Variants in NAALADL2 observed in about 807,000 individuals in gnomAD.
NAALADL2 encodes the protein inactive N-acetylated-alpha-linked acidic dipeptidase-like protein 2.
In NAALADL2, 76 loss-of-function variants were observed where a neutral mutation model predicts 87.2. The ratio of observed to expected loss-of-function variants is 0.87; its 90% confidence interval spans 0.72 to 1.05. The LOEUF is 1.05. Among genes scored for constraint, NAALADL2 ranks in the 50% least tolerant of loss-of-function variants. NAALADL2 has a pLI of 0.00. For synonymous variants in NAALADL2, 354 were observed against 331.0 expected (o/e 1.07, Z -0.75); for missense variants, 1,089 against 945.8 (o/e 1.15, Z -1.99).
chr3:175,648,823 G>A (rs1730371124), intron 11 of NAALADL2, among the ~76,000 whole-genome samples: 1 of 152,130 alleles, frequency 6.6e-6, no homozygotes, highest in Non-Finnish European at 1.5e-5. Context: ...AGATAATAAG[G>A]TTGAGCTTTG....
At chr3:175,308,769 C>T (rs911236004) in intron 4 of NAALADL2, among the ~76,000 whole-genome samples, 38 of 152,316 alleles carry the variant, frequency 2.5e-4, no homozygotes, top group African/African-American at 8.7e-4. Context: ...TTATCAATTT[C>T]TACCAGACAG....
chr3:175,284,186 G>GTGT (rs1754686948), intron 4 of NAALADL2, among the ~76,000 whole-genome samples: 1 of 142,712 alleles, frequency 7.0e-6, no homozygotes, highest in Non-Finnish European at 1.5e-5. Context: ...TTTACACTGT[G>GTGT]TTTTTTTTTT....
At chr3:175,557,796 G>A (rs1659259078) in intron 9 of NAALADL2, among the ~76,000 whole-genome samples, 1 of 152,158 alleles carries the variant, frequency 6.6e-6, no homozygotes, top group South Asian at 2.1e-4. Context: ...TACCTAAGGT[G>A]ATATGATACC....
At chr3:175,314,144 G>A (rs1274567326) in intron 4 of NAALADL2, among the ~76,000 whole-genome samples, 1 of 149,858 alleles carries the variant, frequency 6.7e-6, no homozygotes, top group Non-Finnish European at 1.5e-5. Context: ...AATTTTCCTT[G>A]AATAATAAAA....
At chr3:175,616,675 C>A (rs1221733021) in intron 10 of NAALADL2, among the ~76,000 whole-genome samples, 1 of 152,102 alleles carries the variant, frequency 6.6e-6, no homozygotes. Flanking sequence ...ACCTGCTCAA[C>A]CCAGCAGGCT....
At chr3:175,607,911 A>ACGCACACACACG (rs1553931889) in intron 10 of NAALADL2, among the ~76,000 whole-genome samples, 3,455 of 28,374 alleles carry the variant, frequency 0.12, 50 homozygotes, top group Non-Finnish European at 0.21. Context: ...ACACACACAC[A>ACGCACACACACG]CGCACACACA....
rs1239857306 is a variant in NAALADL2 at position 175,768,531 on chromosome 3, AT to A, written c.2189+13117del. ...CCTGTTTGCAGCCATTCTGAATTTT[AT>A]TTTAAAAAACAAATTCGGCCAGGCA... On this transcript the variant is annotated intron_variant, in intron 13 of 13. Transcript: ENST00000454872. 4.6e-5 allele frequency among the ~76,000 whole-genome samples: 7 copies of A among 152,196 alleles called. No individual in the cohort carries two copies. The East Asian group carries it at 1.3e-3, about 29-fold the overall frequency.
chr3:175,378,903 TC>T (rs1464588853), intron 5 of NAALADL2, among the ~76,000 whole-genome samples: 4 of 152,040 alleles, frequency 2.6e-5, no homozygotes, highest in Non-Finnish European at 5.9e-5. Context: ...TCACAGTTAG[TC>T]TTAGTAATTT....
intron 3 of NAALADL2, among the ~76,000 whole-genome samples, chr3:174,784,979 A>C (rs1179458672): frequency 2.0e-5 from 3 of 152,208 alleles, no homozygotes; most frequent in Non-Finnish European, 4.4e-5. Context: ...GGACTATGAT[A>C]ATCAAGATCT....
chr3:174,442,618 G>C (rs963648005), intron 1 of NAALADL2, among the ~76,000 whole-genome samples: 1 of 152,148 alleles, frequency 6.6e-6, no homozygotes. Flanking sequence ...GTCAACAATT[G>C]TTTGTTGATT....
intron 2 of NAALADL2, among the ~76,000 whole-genome samples, chr3:174,702,974 G>C (rs745473555): frequency 1.3e-5 from 2 of 152,124 alleles, no homozygotes; most frequent in African/African-American, 2.4e-5. Flanking sequence ...CTGCTCTTGG[G>C]AAAGAAAACA....
chr3:175,558,750 C>T (rs550330665), intron 9 of NAALADL2, among the ~76,000 whole-genome samples: 24 of 152,090 alleles, frequency 1.6e-4, no homozygotes, highest in East Asian at 3.9e-4. Context: ...ATGAGTTTAT[C>T]GGTGGATTCT....
intron 3 of NAALADL2, among the ~76,000 whole-genome samples, chr3:174,794,460 A>G (rs1717830899): frequency 6.6e-6 from 1 of 150,892 alleles, no homozygotes; most frequent in Non-Finnish European, 1.5e-5. Context: ...AAAATTAAGA[A>G]TAAAAGAAAA....
intron 3 of NAALADL2, among the ~76,000 whole-genome samples, chr3:174,764,775 G>A (rs1713548810): frequency 6.6e-6 from 1 of 152,092 alleles, no homozygotes; most frequent in Non-Finnish European, 1.5e-5. Context: ...TGAGAATAAG[G>A]ACCTGTACTC....
Position 175,671,543 on chromosome 3 carries a change from G to C in NAALADL2, c.1896+44157G>C, listed in dbSNP as rs947103643. On this transcript the variant is annotated intron_variant, in intron 11 of 13. Coordinates refer to ENST00000454872, the MANE Select transcript of NAALADL2 (RefSeq NM_207015.3). ...TTACTTACATATTTGTTTCTTGTTTGCCCCAAAGAGTTAATCACTAAAAAT... is the reference window on the plus strand; with the variant it reads ...TTACTTACATATTTGTTTCTTGTTTCCCCCAAAGAGTTAATCACTAAAAAT... Among the ~76,000 whole-genome samples, 5 of 151,836 alleles carry C rather than the reference G, an allele frequency of 3.3e-5. 1 individual carries two copies.
chr3:174,486,543 C>A (rs373943461), intron 1 of NAALADL2, among the ~76,000 whole-genome samples: 1 of 152,018 alleles, frequency 6.6e-6, no homozygotes, highest in Admixed American at 6.6e-5. Context: ...TGGTAAATTG[C>A]GGTTTTCCAT....
At chr3:175,201,958 A>G (rs1740102740) in intron 2 of NAALADL2, among the ~76,000 whole-genome samples, 1 of 152,192 alleles carries the variant, frequency 6.6e-6, no homozygotes, top group African/African-American at 2.4e-5. Flanking sequence ...AACTTTATGT[A>G]TCACTTACAT....
intron 2 of NAALADL2, among the ~76,000 whole-genome samples, chr3:174,595,507 AG>A (rs1560079505): frequency 6.6e-6 from 1 of 152,176 alleles, no homozygotes; most frequent in Non-Finnish European, 1.5e-5. Flanking sequence ...AGGGGAGAAA[AG>A]GCTATCCTGG....
chr3:174,635,922 A>G (rs1722601825), intron 2 of NAALADL2, among the ~76,000 whole-genome samples: 1 of 152,224 alleles, frequency 6.6e-6, no homozygotes, highest in African/African-American at 2.4e-5. Flanking sequence ...AAGGATCTAG[A>G]TAATACCCTC....
Sources: allele counts gnomAD v4.1 joint callset (sites outside exome capture counted in the v4.1 genomes callset), GRCh38; gene constraint gnomAD v4.1.1; transcripts MANE v1.5; gene names NCBI Gene and HGNC (gene_info 2026-07-23, HGNC 2026-07-21).